CAST: variants seen among roughly 807,000 people sequenced by gnomAD.
CAST encodes MIR583 host.
A neutral mutation model predicts 119.6 loss-of-function variants in CAST; 76 were observed. That is an observed-to-expected ratio of 0.64 (90% CI 0.53 to 0.77). The LOEUF (loss-of-function observed/expected upper bound fraction) is 0.77, where lower values mean the gene tolerates loss of function less well. Among genes scored for constraint, CAST ranks in the 30% least tolerant of loss-of-function variants. CAST has a pLI of 0.00. For synonymous variants in CAST, 319 were observed against 331.6 expected, an observed-to-expected ratio of 0.96 and a Z score of 0.41; for missense variants, 953 against 946.5, an observed-to-expected ratio of 1.01 and a Z score of -0.09.
At chr5:96,361,888 G>T in the CAST span, among the ~76,000 whole-genome samples, 1 of 148,136 alleles carries the variant, frequency 6.8e-6, no homozygotes, top group Non-Finnish European at 1.5e-5. Flanking sequence ...ACAACGTGCA[G>T]GTTCATTACA....
chr5:96,181,157 C>T, the CAST span, among the ~76,000 whole-genome samples: 1,108 of 152,168 alleles, frequency 7.3e-3, 19 homozygotes, highest in African/African-American at 0.026. Flanking sequence ...AAAATGAGCA[C>T]GTTGTTATTT....
the CAST span, chr5:96,432,034 C>T: frequency 2.9e-6 from 4 of 1,366,738 alleles, no homozygotes; most frequent in African/African-American, 1.4e-5. Flanking sequence ...CAAGCCTTCA[C>T]TTGGACAGGC....
chr5:96,284,967 C>G, the CAST span, among the ~76,000 whole-genome samples: 2 of 152,200 alleles, frequency 1.3e-5, no homozygotes, highest in Admixed American at 1.3e-4. Flanking sequence ...TAGAAGGGGA[C>G]TTCTATTAGC....
chr5:96,512,407 A>G, the CAST span, among the ~76,000 whole-genome samples: 2 of 152,330 alleles, frequency 1.3e-5, no homozygotes, highest in South Asian at 2.1e-4. Context: ...TTCGGAAAAC[A>G]TGGCTCTAAG....
At chr5:96,307,442 C>G in the CAST span, among the ~76,000 whole-genome samples, 2 of 152,174 alleles carry the variant, frequency 1.3e-5, no homozygotes, top group Non-Finnish European at 2.9e-5. Context: ...GGGCATCTAG[C>G]CCATTTACAT....
chr5:96,669,375 G>A (rs1749774306), intron 1 of CAST, among the ~76,000 whole-genome samples: 1 of 152,146 alleles, frequency 6.6e-6, no homozygotes, highest in South Asian at 2.1e-4. Flanking sequence ...TTACTGATCT[G>A]AAAAGAGCAA....
At chr5:96,514,708 G>A in the CAST span, among the ~76,000 whole-genome samples, 18 of 152,100 alleles carry the variant, frequency 1.2e-4, no homozygotes, top group Admixed American at 2.6e-4. Context: ...CCACTCTATT[G>A]TGTTTGTGCT....
rs112593332 is a variant in CAST at position 96,746,383 on chromosome 5, T to A, written c.1242T>A (p.Asp414Glu). 5.9e-4 allele frequency: 955 copies of A among 1,612,968 alleles called. 5 individuals carry two copies. The African/African-American group carries it at 0.011, about 19-fold the overall frequency. ...KEEKLEKCGE[D>E]DETIPSEYRL... ...AAAAACTAGAGAAGTGTGGTGAGGATGATGAAACAATCCCATCTGAGTACA... is the reference window on the plus strand; with the variant it reads ...AAAAACTAGAGAAGTGTGGTGAGGAAGATGAAACAATCCCATCTGAGTACA... Residue 414 changes from aspartate (D) to glutamate (E), a missense_variant, in exon 17 of 32, where the codon GAT becomes GAA. Physicochemically the swap from Asp to Glu is conservative, Grantham distance 45 (BLOSUM62 2). Transcript: ENST00000675179.
rs370057106 is a variant in CAST, at chr5:96,746,314, CT to C, written c.1201-19del. On this transcript the variant is annotated intron_variant, in intron 16 of 31. Transcript: ENST00000675179. ...TCTCATTATGTGCATTATCCAACTA[CT>C]TTTTTTTTCCCCTCCATTTTCATCA... 1.3e-3 allele frequency: 1,697 copies of C among 1,318,226 alleles called. 10 individuals are homozygous for C. The African/African-American group carries it at 0.014, about 11-fold the overall frequency. The allele number at this position is 1,318,226 out of a possible 1,614,324, so 81.7% of individuals were successfully genotyped here. A position where few individuals can be genotyped will look rare whatever the true frequency, so the allele number is the denominator to read the frequency against.
the CAST span, among the ~76,000 whole-genome samples, chr5:96,482,156 T>C: frequency 1.3e-5 from 2 of 152,114 alleles, no homozygotes; most frequent in Non-Finnish European, 2.9e-5. Flanking sequence ...AAGATTTTCT[T>C]ATCCATAGCA....
chr5:96,122,621 T>C, the CAST span, among the ~76,000 whole-genome samples: 533 of 152,264 alleles, frequency 3.5e-3, 2 homozygotes, highest in African/African-American at 4.5e-3. Flanking sequence ...ATCCATGTGT[T>C]CGAGGGGGTA....
At chr5:96,480,167 G>A in the CAST span, among the ~76,000 whole-genome samples, 61 of 152,268 alleles carry the variant, frequency 4.0e-4, no homozygotes, top group Middle Eastern at 6.8e-3. Context: ...TCTGTAGGAC[G>A]GAGCATAACT....
the CAST span, among the ~76,000 whole-genome samples, chr5:96,229,140 G>A: frequency 6.6e-6 from 1 of 151,814 alleles, no homozygotes. Context: ...ATTTTCCAAA[G>A]ATTCTATAGA....
chr5:96,260,867 CAAGTCAGTGTCTAA>C, the CAST span, among the ~76,000 whole-genome samples: 1 of 152,156 alleles, frequency 6.6e-6, no homozygotes, highest in South Asian at 2.1e-4. Flanking sequence ...CAAAGTTGAC[CAAGTCAGTGTCTAA>C]AAGCTGTGAG....
At chr5:96,427,520 A>C in the CAST span, among the ~76,000 whole-genome samples, 1 of 152,116 alleles carries the variant, frequency 6.6e-6, no homozygotes, top group Non-Finnish European at 1.5e-5. Context: ...TCTTGGGCTA[A>C]TTTTTTACAA....
the CAST span, among the ~76,000 whole-genome samples, chr5:96,254,325 A>G: frequency 7.6e-4 from 116 of 152,186 alleles, no homozygotes; most frequent in Middle Eastern, 6.8e-3. Context: ...TTATGTTATT[A>G]CTTATTTCAG....
chr5:96,727,704 T>G (rs1272349040), intron 6 of CAST, among the ~76,000 whole-genome samples, 174 bp downstream of exon 6: 2 of 152,116 alleles, frequency 1.3e-5, no homozygotes, highest in African/African-American at 2.4e-5. Flanking sequence ...AATATAACAT[T>G]AAGTCCGTAT....
At chr5:96,684,887 A>G (rs892957300) in intron 2 of CAST, among the ~76,000 whole-genome samples, 6 of 152,056 alleles carry the variant, frequency 3.9e-5, no homozygotes, top group Admixed American at 2.6e-4. Flanking sequence ...TCACTATTCA[A>G]TGAGCTGTTT....
chr5:96,061,982 G>A, the CAST span, among the ~76,000 whole-genome samples: 384 of 152,144 alleles, frequency 2.5e-3, 1 homozygote, highest in Non-Finnish European at 2.2e-3. Flanking sequence ...TTTGTTATAT[G>A]GCGCCATCCC....
Sources: allele counts gnomAD v4.1 joint callset (sites outside exome capture counted in the v4.1 genomes callset), GRCh38; gene constraint gnomAD v4.1.1; transcripts MANE v1.5; gene names NCBI Gene and HGNC (gene_info 2026-07-23, HGNC 2026-07-21).